Variants in PLEKHA5 observed in about 807,000 individuals in gnomAD.
PLEKHA5 encodes the protein pleckstrin homology domain containing A5.
PLEKHA5 carries 55 observed loss-of-function variants against 181.9 expected under a neutral mutation model. The observed-to-expected ratio is 0.30, with a 90% CI of 0.24 to 0.38. PLEKHA5 has a LOEUF of 0.38. PLEKHA5 is among the 10% of genes least tolerant of loss of function. The probability of loss-of-function intolerance (pLI) is 1.00; values close to 1 mark genes in which losing one functional copy is unlikely to be tolerated. For synonymous variants in PLEKHA5, 535 were observed against 529.4 expected (o/e 1.01, Z -0.15); for missense variants, 1,432 against 1,549.5 (o/e 0.92, Z 1.27).
chr12:19,334,091 G>A (rs1423977608), intron 20 of PLEKHA5, among the ~76,000 whole-genome samples: 2 of 152,160 alleles, frequency 1.3e-5, no homozygotes, highest in South Asian at 2.1e-4. Context: ...AAGATTATTA[G>A]CATGGTACTC....
At chr12:19,158,524 T>A (rs1294702735) in intron 3 of PLEKHA5, among the ~76,000 whole-genome samples, 1 of 152,176 alleles carries the variant, frequency 6.6e-6, no homozygotes, top group African/African-American at 2.4e-5. Context: ...TTTTTCTTTT[T>A]TTTCAGGTTC....
intron 2 of PLEKHA5, among the ~76,000 whole-genome samples, chr12:19,131,803 A>G (rs1454610899): frequency 6.6e-6 from 1 of 152,214 alleles, no homozygotes; most frequent in Non-Finnish European, 1.5e-5. Flanking sequence ...TATGTAGCAC[A>G]TAATGACCAT....
At chr12:19,158,160 A>G (rs554959996) in intron 3 of PLEKHA5, among the ~76,000 whole-genome samples, 6 of 152,084 alleles carry the variant, frequency 3.9e-5, no homozygotes, top group African/African-American at 1.2e-4. Context: ...AGACCATTCT[A>G]GCTAACACAG....
chr12:19,375,877 TA>T lies in PLEKHA5; in HGVS notation c.*359del, dbSNP rs1001562716. 7.9e-5 allele frequency: 12 copies of T among 152,522 alleles called. No homozygotes were observed. Among genetic ancestry groups the T allele is most frequent in the African/African-American group, 1.7e-4 (7 of 41,450 alleles). The allele number at this position is 152,522 out of a possible 1,614,324, so 9.4% of individuals were successfully genotyped here. ...TTAAGTCTAGGTGAATTTATATATATATTTTTTTGCTTTTCATTTTCTAAAG... is the reference window on the plus strand; with the variant it reads ...TTAAGTCTAGGTGAATTTATATATATTTTTTTTGCTTTTCATTTTCTAAAG... On this transcript the variant is annotated 3_prime_UTR_variant, in exon 32 of 32. Coordinates refer to ENST00000429027, the MANE Select transcript of PLEKHA5 (RefSeq NM_001256470.2).
intron 3 of PLEKHA5, among the ~76,000 whole-genome samples, chr12:19,178,763 G>T (rs911435989): frequency 6.6e-6 from 1 of 152,184 alleles, no homozygotes; most frequent in African/African-American, 2.4e-5. Flanking sequence ...AATCTCTACA[G>T]AGGAGTTGTG....
intron 15 of PLEKHA5, among the ~76,000 whole-genome samples, chr12:19,300,996 CA>C (rs2081332729): frequency 2.6e-5 from 3 of 117,426 alleles, no homozygotes; most frequent in African/African-American, 9.2e-5. Context: ...AAAAAAAATA[CA>C]AAATTAGCCT....
chr12:19,369,690 T>C lies in PLEKHA5; in HGVS notation c.3755-3T>C, dbSNP rs925880461. 1 of 1,589,194 alleles carries C rather than the reference T, an allele frequency of 6.3e-7. No homozygotes were observed. ...CTTCTCCCATTTTCTTTGTGTGTTT[T>C]AGTGAAAAGTCTGTCCCCATCTCCT... On this transcript the variant is annotated splice_polypyrimidine_tract_variant and splice_region_variant and intron_variant, in intron 30 of 31. Transcript: ENST00000429027.
chr12:19,364,436 G>A (rs2095357991), intron 29 of PLEKHA5, among the ~76,000 whole-genome samples: 1 of 151,968 alleles, frequency 6.6e-6, no homozygotes, highest in Non-Finnish European at 1.5e-5. Flanking sequence ...GCTTGAGCCA[G>A]GGAGGCGGAG....
chr12:19,295,278 C>G (rs921696152), intron 15 of PLEKHA5, among the ~76,000 whole-genome samples: 1 of 152,178 alleles, frequency 6.6e-6, no homozygotes, highest in Admixed American at 6.5e-5. Flanking sequence ...TTAAGTGAAA[C>G]TTGCCAGCTT....
At chr12:19,198,143 T>A (rs1347060040) in intron 3 of PLEKHA5, among the ~76,000 whole-genome samples, 1 of 152,184 alleles carries the variant, frequency 6.6e-6, no homozygotes, top group Non-Finnish European at 1.5e-5. Flanking sequence ...GCTAGATTCA[T>A]TTTCTTAAAA....
At chr12:19,322,990 AG>A (rs1184527637) in intron 20 of PLEKHA5, among the ~76,000 whole-genome samples, 4 of 148,256 alleles carry the variant, frequency 2.7e-5, no homozygotes, top group Non-Finnish European at 5.9e-5. Context: ...CTGGGACTAC[AG>A]GCTGGCACTA....
chr12:19,179,191 T>C (rs1200966572), intron 3 of PLEKHA5, among the ~76,000 whole-genome samples: 2 of 152,214 alleles, frequency 1.3e-5, no homozygotes, highest in Admixed American at 6.5e-5. Flanking sequence ...TAATGCTCTT[T>C]TTATTATTCC....
intron 15 of PLEKHA5, among the ~76,000 whole-genome samples, chr12:19,292,607 C>T (rs2078733020): frequency 6.6e-6 from 1 of 152,146 alleles, no homozygotes; most frequent in African/African-American, 2.4e-5. Context: ...TCAGTGGTGG[C>T]ACCAGGTGTG....
intron 21 of PLEKHA5, among the ~76,000 whole-genome samples, chr12:19,342,519 GGT>G: frequency 6.6e-6 from 1 of 152,296 alleles, no homozygotes; most frequent in South Asian, 2.1e-4. Flanking sequence ...AGCCGGGTGT[GGT>G]GGCACATGCC....
intron 3 of PLEKHA5, among the ~76,000 whole-genome samples, chr12:19,216,740 A>C (rs1288274975): frequency 6.6e-6 from 1 of 152,006 alleles, no homozygotes; most frequent in Non-Finnish European, 1.5e-5. Context: ...GCTGTGGGCT[A>C]AGAACCGTTA....
intron 10 of PLEKHA5, among the ~76,000 whole-genome samples, chr12:19,273,817 C>T (rs1010514643): frequency 1.3e-5 from 2 of 152,112 alleles, no homozygotes; most frequent in Admixed American, 6.6e-5. Context: ...AAGGTCTGTG[C>T]CAGCCACTCA....
rs191359484 is a variant in PLEKHA5 at position 19,365,953 on chromosome 12, A to G, written c.3609-11A>G. ...GTGACAAATTTTTAAATACCAATCT[A>G]TTTTCATCAGCCCTCAAGATGAAAC... is the stretch of plus-strand genomic sequence containing the variant. On this transcript the variant is annotated splice_polypyrimidine_tract_variant and intron_variant, in intron 29 of 31. Coordinates refer to ENST00000429027, the MANE Select transcript of PLEKHA5 (RefSeq NM_001256470.2). 9.6e-5 allele frequency: 151 copies of G among 1,580,314 alleles called. No individual in the cohort carries two copies. In the Middle Eastern group the frequency reaches 1.0e-3, roughly 11 times the overall value.
chr12:19,311,900 G>T (rs769707046), intron 15 of PLEKHA5, among the ~76,000 whole-genome samples: 5 of 152,100 alleles, frequency 3.3e-5, no homozygotes, highest in Non-Finnish European at 5.9e-5. Flanking sequence ...TCCATCAGAA[G>T]AATCACTATC....
chr12:19,144,672 A>G (rs1433859747), intron 3 of PLEKHA5, among the ~76,000 whole-genome samples: 3 of 152,220 alleles, frequency 2.0e-5, no homozygotes, highest in African/African-American at 7.2e-5. Flanking sequence ...GTTTGAAGCA[A>G]TGTATTCAAA....
Sources: gnomAD v4.1 joint callset for allele counts (sites outside exome capture counted in the v4.1 genomes callset) on GRCh38, gnomAD v4.1.1 for gene constraint, MANE v1.5 for transcripts, NCBI Gene and HGNC (gene_info 2026-07-23, HGNC 2026-07-21) for gene names.